The following LRRC39 variants were observed in gnomAD, a reference collection of about 807,000 sequenced individuals.
LRRC39 encodes leucine-rich repeat-containing protein 39.
Under a neutral mutation model 39.7 loss-of-function variants are expected in LRRC39, and 35 were observed. The ratio of observed to expected loss-of-function variants is 0.88; its 90% confidence interval spans 0.67 to 1.17. The LOEUF (loss-of-function observed/expected upper bound fraction) is 1.17, where lower values mean the gene tolerates loss of function less well. Among genes scored for constraint, LRRC39 ranks in the 50% most tolerant of loss-of-function variants. The pLI is 0.00. For missense variants in LRRC39, 357 were observed against 385.8 expected (o/e 0.93, Z 0.62); for synonymous variants, 113 against 134.1 (o/e 0.84, Z 1.09).
chr1:100,173,039 C>CT (rs1173112863), intron 2 of LRRC39, among the ~76,000 whole-genome samples: 1 of 150,128 alleles, frequency 6.7e-6, no homozygotes, highest in Non-Finnish European at 1.5e-5. Flanking sequence ...CAGCGAGAAT[C>CT]TGTCTCCAAA....
chr1:100,158,194 T>C, intron 6 of LRRC39, 37 bp downstream of exon 6: 1 of 1,603,040 alleles, frequency 6.2e-7, no homozygotes, highest in Non-Finnish European at 8.5e-7. Flanking sequence ...CTACTGCAGA[T>C]GGAAAATACA....
chr1:100,158,546 T>C (rs570357227), intron 5 of LRRC39, among the ~76,000 whole-genome samples, 179 bp from the exon 6 acceptor site: 464 of 152,286 alleles, frequency 3.0e-3, no homozygotes, highest in African/African-American at 0.011. Flanking sequence ...CACGCCATTT[T>C]CCTGCCTCAG....
chr1:100,167,091 G>A (rs1026752076), intron 3 of LRRC39, among the ~76,000 whole-genome samples: 1 of 152,200 alleles, frequency 6.6e-6, no homozygotes, highest in African/African-American at 2.4e-5. Context: ...AACTGGGTTA[G>A]ATGTGTACAA....
chr1:100,153,815 G>A (rs1658244483), intron 8 of LRRC39, among the ~76,000 whole-genome samples: 1 of 152,030 alleles, frequency 6.6e-6, no homozygotes, highest in South Asian at 2.1e-4. Context: ...GAGTACAGTG[G>A]CGCAATCTTG....
chr1:100,166,306 G>A (rs1659241779), intron 3 of LRRC39, among the ~76,000 whole-genome samples: 1 of 152,202 alleles, frequency 6.6e-6, no homozygotes, highest in African/African-American at 2.4e-5. Context: ...AGTGACTTTG[G>A]AACTGGATAA....
At chr1:100,155,243 T>G in intron 7 of LRRC39, 40 bp from the exon 8 acceptor site, 1 of 1,482,334 alleles carries the variant, frequency 6.7e-7, no homozygotes, top group Non-Finnish European at 9.0e-7. Flanking sequence ...ACATATAATA[T>G]GAAAATATTG....
intron 3 of LRRC39, among the ~76,000 whole-genome samples, chr1:100,164,697 A>T (rs1197448593): frequency 6.6e-6 from 1 of 150,766 alleles, no homozygotes; most frequent in African/African-American, 2.4e-5. Flanking sequence ...TTATTTATTA[A>T]TTTTTTTCTT....
chr1:100,156,416 C>T, intron 6 of LRRC39, 99 bp from the exon 7 acceptor site: 1 of 1,186,528 alleles, frequency 8.4e-7, no homozygotes, highest in Non-Finnish European at 1.1e-6. Context: ...CAGGAATATT[C>T]ACATTTTACT....
At chr1:100,159,175 A>T in intron 5 of LRRC39, 84 bp downstream of exon 5, 1 of 1,267,910 alleles carries the variant, frequency 7.9e-7, no homozygotes, top group Non-Finnish European at 1.1e-6. Flanking sequence ...AGAGGTCTTT[A>T]TTCCATGTAT....
intron 6 of LRRC39, among the ~76,000 whole-genome samples, 181 bp from the exon 7 acceptor site, chr1:100,156,498 G>A (rs1658456695): frequency 6.6e-6 from 1 of 152,182 alleles, no homozygotes; most frequent in Admixed American, 6.5e-5. Flanking sequence ...CTCCAGGGAA[G>A]TGGAAAACTC....
At chr1:100,160,027 T>C (rs913965907) in intron 4 of LRRC39, among the ~76,000 whole-genome samples, 1 of 152,182 alleles carries the variant, frequency 6.6e-6, no homozygotes, top group African/African-American at 2.4e-5. Context: ...AATTAGAGTA[T>C]GCCTAATATA....
chr1:100,165,868 C>T (rs1187579111), intron 3 of LRRC39, among the ~76,000 whole-genome samples: 2 of 147,636 alleles, frequency 1.4e-5, no homozygotes, highest in Non-Finnish European at 3.0e-5. Flanking sequence ...AGAGGTTTCC[C>T]CTTTCTTTTT....
intron 1 of LRRC39, among the ~76,000 whole-genome samples, chr1:100,177,491 T>C (rs918130352): frequency 1.3e-5 from 2 of 152,210 alleles, no homozygotes; most frequent in Non-Finnish European, 2.9e-5. Flanking sequence ...CCGAATTTAC[T>C]CAGGAACAGA....
intron 4 of LRRC39, 40 bp from the exon 5 acceptor site, chr1:100,159,455 A>AT (rs1658708480): frequency 1.4e-6 from 2 of 1,447,880 alleles, no homozygotes; most frequent in Non-Finnish European, 1.8e-6. Flanking sequence ...TATTACTTAA[A>AT]TTTTTTTAGT....
chr1:100,155,664 AATG>A (rs1006346304), intron 7 of LRRC39, among the ~76,000 whole-genome samples: 3 of 152,208 alleles, frequency 2.0e-5, no homozygotes, highest in African/African-American at 7.2e-5. Flanking sequence ...AGAACAATAA[AATG>A]ATGAATATGC....
chr1:100,158,296 T>TA lies in LRRC39; in HGVS notation c.447dup (p.Asn150Ter). On this transcript the variant is annotated frameshift_variant, in exon 6 of 10. Coordinates refer to ENST00000370137, the MANE Select transcript of LRRC39 (RefSeq NM_144620.4). LOFTEE classifies it high-confidence loss of function. ...TCTAGTTTCTCCAAGCTGGCACAAT[T>TA]ACTTAGTTCCTTGGGGACAGTCTTG... The TA allele has an allele frequency of 6.2e-7, 1 of 1,614,072 alleles. No individual in the cohort carries two copies. Among genetic ancestry groups the TA allele is most frequent in the South Asian group, 1.1e-5 (1 of 91,084 alleles).
At position 100,168,546 on chromosome 1, in the gene LRRC39, T is replaced by C; in HGVS notation, c.-30A>G. On this transcript the variant is annotated 5_prime_UTR_variant, in exon 3 of 10. Coordinates refer to ENST00000370137, the MANE Select transcript of LRRC39 (RefSeq NM_144620.4). Reference sequence around the variant, plus strand: ...TCTCCACATTGTCATAGTCACCAACTTCATTAGGTTTTGAATAGCTGAATC... The same window carrying C: ...TCTCCACATTGTCATAGTCACCAACCTCATTAGGTTTTGAATAGCTGAATC... 6.5e-7 allele frequency: 1 copy of C among 1,536,360 alleles called. No individual in the cohort carries two copies. Among genetic ancestry groups the C allele is most frequent in the South Asian group, 1.2e-5 (1 of 86,238 alleles).
chr1:100,162,013 A>G (rs1290110507), intron 3 of LRRC39, among the ~76,000 whole-genome samples: 1 of 152,116 alleles, frequency 6.6e-6, no homozygotes, highest in East Asian at 1.9e-4. Flanking sequence ...CATTCCCACC[A>G]GTGGCATATC....
chr1:100,154,352 T>C (rs1302090467), intron 8 of LRRC39, among the ~76,000 whole-genome samples: 2 of 152,158 alleles, frequency 1.3e-5, no homozygotes, highest in Non-Finnish European at 1.5e-5. Flanking sequence ...TTATGTAACA[T>C]ACATATAAAA....
Sources: allele counts gnomAD v4.1 joint callset (sites outside exome capture counted in the v4.1 genomes callset), GRCh38; gene constraint gnomAD v4.1.1; transcripts MANE v1.5; gene names NCBI Gene and HGNC (gene_info 2026-07-23, HGNC 2026-07-21).